Variants in SDC2 observed in about 807,000 individuals in gnomAD.
The protein encoded by SDC2 is syndecan-2.
A neutral mutation model predicts 22.2 loss-of-function variants in SDC2; 13 were observed. The observed-to-expected ratio is 0.59, with a 90% CI of 0.38 to 0.93. The LOEUF is 0.93. Ranked by LOEUF, SDC2 falls within the 40% of genes least tolerant of loss-of-function variation. The pLI is 0.00. For synonymous variants in SDC2, 94 were observed against 92.8 expected, an observed-to-expected ratio of 1.01 and a Z score of -0.07; for missense variants, 235 against 246.8, an observed-to-expected ratio of 0.95 and a Z score of 0.32.
intron 1 of SDC2, among the ~76,000 whole-genome samples, chr8:96,517,228 C>T (rs1813415000): frequency 6.6e-6 from 1 of 152,100 alleles, no homozygotes; most frequent in Non-Finnish European, 1.5e-5. Context: ...TGTTCTTAGC[C>T]ATTTGTATTT....
At chr8:96,498,417 G>A (rs1813107383) in intron 1 of SDC2, among the ~76,000 whole-genome samples, 1 of 151,954 alleles carries the variant, frequency 6.6e-6, no homozygotes, top group African/African-American at 2.4e-5. Context: ...CCTGAGCTCA[G>A]CACTGCAAAG....
chr8:96,606,819 G>C (rs1404019154), intron 3 of SDC2, among the ~76,000 whole-genome samples: 2 of 152,148 alleles, frequency 1.3e-5, no homozygotes, highest in African/African-American at 2.4e-5. Context: ...GTCAGAGAAG[G>C]CTTCATTAAG....
chr8:96,568,233 G>T lies in SDC2; in HGVS notation c.61-25247G>T, dbSNP rs990772976. Among the ~76,000 whole-genome samples the T allele has an allele frequency of 1.1e-4, 17 of 152,220 alleles. 1 individual carries two copies. The highest frequency in any genetic ancestry group is 7.2e-4 in the Admixed American group (11 of 15,280). On this transcript the variant is annotated intron_variant, in intron 1 of 4. Transcript: ENST00000302190. ...TTCTTAATTACTGTTGGCACATCTT[G>T]TGGTGAAAGAATATACCTTGTGGGG...
chr8:96,551,811 G>A (rs972254054), intron 1 of SDC2, among the ~76,000 whole-genome samples: 14 of 152,164 alleles, frequency 9.2e-5, no homozygotes, highest in African/African-American at 3.4e-4. Flanking sequence ...ATGAACTTGG[G>A]TACCAAGTCT....
At chr8:96,522,006 A>G (rs886342967) in intron 1 of SDC2, among the ~76,000 whole-genome samples, 1 of 152,206 alleles carries the variant, frequency 6.6e-6, no homozygotes, top group African/African-American at 2.4e-5. Context: ...CTTTATTTTT[A>G]AAGGTTGAGT....
rs1814412584 is a variant in SDC2, at chr8:96,572,487, TCGGTTCTC to T, written c.61-20991_61-20984del. 3.9e-5 allele frequency among the ~76,000 whole-genome samples: 6 copies of T among 152,270 alleles called. No homozygotes were observed. In the South Asian group the frequency reaches 1.2e-3, roughly 32 times the overall value. On this transcript the variant is annotated intron_variant, in intron 1 of 4. Coordinates refer to ENST00000302190, the MANE Select transcript of SDC2 (RefSeq NM_002998.4). ...GTATGAAGCAGAGAGGTGCCTGCAT[TCGGTTCTC>T]CAGGCTGGCCCAAGTTTAAAAGTTG...
chr8:96,494,916 G>A (rs1158291732), intron 1 of SDC2, among the ~76,000 whole-genome samples: 1 of 152,208 alleles, frequency 6.6e-6, no homozygotes, highest in Non-Finnish European at 1.5e-5. Flanking sequence ...CTAGGGCGAG[G>A]TAACCGACAC....
intron 1 of SDC2, among the ~76,000 whole-genome samples, chr8:96,501,996 TG>T (rs35482939): frequency 0.73 from 111,085 of 152,062 alleles, 41,051 homozygotes; most frequent in African/African-American, 0.83. Flanking sequence ...TTACTAGGAG[TG>T]GTATACATTG....
At chr8:96,539,774 A>G (rs1334593168) in intron 1 of SDC2, among the ~76,000 whole-genome samples, 1 of 152,164 alleles carries the variant, frequency 6.6e-6, no homozygotes, top group African/African-American at 2.4e-5. Context: ...GTTAGATGGC[A>G]TTTCTGATAT....
At chr8:96,521,184 T>C (rs1159122015) in intron 1 of SDC2, among the ~76,000 whole-genome samples, 2 of 152,244 alleles carry the variant, frequency 1.3e-5, no homozygotes, top group African/African-American at 4.8e-5. Context: ...TTGTGTATTT[T>C]TGAAAACTGC....
intron 1 of SDC2, among the ~76,000 whole-genome samples, chr8:96,585,578 G>A (rs1814669283): frequency 6.6e-6 from 1 of 152,076 alleles, no homozygotes; most frequent in Non-Finnish European, 1.5e-5. Context: ...TGATGCTTGG[G>A]GACAGGGGAA....
At chr8:96,556,142 G>T (rs2010013) in intron 1 of SDC2, among the ~76,000 whole-genome samples, 78,258 of 151,826 alleles carry the variant, frequency 0.52, 22,869 homozygotes, top group Non-Finnish European at 0.68. Context: ...TTATGGTTTG[G>T]ATTATTTTTG....
chr8:96,599,939 G>C (rs561514805), intron 2 of SDC2, among the ~76,000 whole-genome samples: 2 of 152,108 alleles, frequency 1.3e-5, no homozygotes, highest in Admixed American at 6.5e-5. Flanking sequence ...TCAGGAGCTC[G>C]AGACCAACCT....
At chr8:96,546,924 G>A (rs1193750325) in intron 1 of SDC2, among the ~76,000 whole-genome samples, 1 of 152,214 alleles carries the variant, frequency 6.6e-6, no homozygotes, top group Non-Finnish European at 1.5e-5. Flanking sequence ...GAATTTCCAT[G>A]TATTGATTAA....
chr8:96,576,072 C>G (rs756072928), intron 1 of SDC2, among the ~76,000 whole-genome samples: 1 of 152,172 alleles, frequency 6.6e-6, no homozygotes, highest in Non-Finnish European at 1.5e-5. Flanking sequence ...TTACCACCCT[C>G]CCCGATCCCC....
At chr8:96,552,970 C>T (rs571839371) in intron 1 of SDC2, among the ~76,000 whole-genome samples, 2 of 152,182 alleles carry the variant, frequency 1.3e-5, no homozygotes, top group African/African-American at 4.8e-5. Flanking sequence ...TCAGGAATTC[C>T]TGAATAGCTG....
chr8:96,556,045 C>T (rs1219277932), intron 1 of SDC2, among the ~76,000 whole-genome samples: 1 of 141,934 alleles, frequency 7.0e-6, no homozygotes, highest in Non-Finnish European at 1.5e-5. Flanking sequence ...CACACACACA[C>T]ACACACACAC....
chr8:96,571,308 C>T (rs1814390423), intron 1 of SDC2, among the ~76,000 whole-genome samples: 1 of 152,060 alleles, frequency 6.6e-6, no homozygotes, highest in Non-Finnish European at 1.5e-5. Context: ...CAGGCAGAGG[C>T]AGAGCGGCTG....
Position 96,591,030 on chromosome 8 carries a change from A to G in SDC2, c.61-2450A>G, listed in dbSNP as rs1294924257. Among the ~76,000 whole-genome samples the G allele has an allele frequency of 2.0e-5, 3 of 152,162 alleles. No individual in the cohort carries two copies. The East Asian group carries it at 5.8e-4, about 29-fold the overall frequency. On this transcript the variant is annotated intron_variant, in intron 1 of 4. Transcript: ENST00000302190. ...AAGTCAGTTGGCTTGTCAGACTGCC[A>G]GTGTGGTTGAACGGTGAGGTGGCTA...
Sources: allele counts gnomAD v4.1 joint callset (sites outside exome capture counted in the v4.1 genomes callset), GRCh38; gene constraint gnomAD v4.1.1; transcripts MANE v1.5; gene names NCBI Gene and HGNC (gene_info 2026-07-23, HGNC 2026-07-21).